The following ABCC4 variants were observed in gnomAD, a reference collection of about 807,000 sequenced individuals.
ABCC4 encodes the protein ATP-binding cassette sub-family C member 4.
Under a neutral mutation model 168.5 loss-of-function variants are expected in ABCC4, and 102 were observed. That is an observed-to-expected ratio of 0.61 (90% confidence interval 0.52 to 0.71). The LOEUF (loss-of-function observed/expected upper bound fraction) is 0.71, where lower values mean the gene tolerates loss of function less well. Ranked by LOEUF, ABCC4 falls within the 30% of genes least tolerant of loss-of-function variation. The pLI is 0.00. For synonymous variants in ABCC4, 617 were observed against 590.7 expected, an observed-to-expected ratio of 1.04 and a Z score of -0.65; for missense variants, 1,402 against 1,605.8, an observed-to-expected ratio of 0.87 and a Z score of 2.17.
At chr13:95,243,164 G>GTGGGTCCATCTTAACACTGTA (rs1280458630) in intron 3 of ABCC4, among the ~76,000 whole-genome samples, 1 of 152,184 alleles carries the variant, frequency 6.6e-6, no homozygotes, top group East Asian at 1.9e-4. Context: ...CCAGCACTGT[G>GTGGGTCCATCTTAACACTGTA]TGGGTCCATC....
In ABCC4 at chr13:95,159,134, A is replaced by ATATAG. The variant is rs2036998473; in HGVS notation, c.2455+2054_2455+2055insCTATA. Among the ~76,000 whole-genome samples the ATATAG allele has an allele frequency of 1.1e-4, 5 of 46,402 alleles. No homozygotes were observed. In the East Asian group the frequency reaches 2.3e-3, roughly 21 times the overall value. 30.4% of individuals were successfully genotyped at this position (46,402 alleles called of 152,430 possible). A position where few individuals can be genotyped will look rare whatever the true frequency, so the allele number is the denominator to read the frequency against. The stretch of plus-strand genomic sequence containing the variant: ...ATATATATATATATATATATATATA[A>ATATAG]CTATTGAAGTGCATACAATCAGTAA... On this transcript the variant is annotated intron_variant, in intron 19 of 30. Coordinates refer to ENST00000645237, the MANE Select transcript of ABCC4 (RefSeq NM_005845.5).
intron 20 of ABCC4, among the ~76,000 whole-genome samples, chr13:95,115,512 A>G (rs2139411167): frequency 6.6e-6 from 1 of 152,050 alleles, no homozygotes; most frequent in East Asian, 1.9e-4. Context: ...CAAAAAAAAA[A>G]AAAAAGTGCC....
At chr13:95,155,306 A>C (rs1051248149) in intron 19 of ABCC4, among the ~76,000 whole-genome samples, 2 of 151,908 alleles carry the variant, frequency 1.3e-5, no homozygotes, top group Non-Finnish European at 2.9e-5. Flanking sequence ...CTCCTGACTC[A>C]GCCTCCCGAG....
At chr13:95,211,483 G>A (rs764195747) in intron 4 of ABCC4, among the ~76,000 whole-genome samples, 4 of 152,124 alleles carry the variant, frequency 2.6e-5, no homozygotes. Flanking sequence ...GGCACTGCAG[G>A]GGAGGCCTAG....
chr13:95,129,846 G>A (rs532585707), intron 19 of ABCC4, among the ~76,000 whole-genome samples: 184 of 152,196 alleles, frequency 1.2e-3, no homozygotes, highest in Non-Finnish European at 1.9e-3. Context: ...AGGCCAAGGC[G>A]GGTGGATCAC....
rs529607759 is a variant in ABCC4, at chr13:95,035,886, A to C, written c.3736-1147T>G. ...AGCAGGACACAGGTTGTTTTTCTAC[A>C]TGTAGATATTGCAGTTAATTCCGTC... is the stretch of plus-strand genomic sequence containing the variant. On this transcript the variant is annotated intron_variant, in intron 29 of 30. Transcript: ENST00000645237. Among the ~76,000 whole-genome samples the C allele has an allele frequency of 1.4e-3, 211 of 152,302 alleles. 5 individuals carry two copies. The highest frequency in any genetic ancestry group is 7.0e-3 in the South Asian group (34 of 4,824).
intron 8 of ABCC4, among the ~76,000 whole-genome samples, chr13:95,205,297 A>G (rs1212717608): frequency 6.6e-6 from 1 of 152,158 alleles, no homozygotes; most frequent in Non-Finnish European, 1.5e-5. Context: ...TCATCATAAA[A>G]AAGAATCTTA....
At chr13:95,062,486 T>TCACACACACACACA (rs1490489305) in intron 26 of ABCC4, among the ~76,000 whole-genome samples, 19 of 144,994 alleles carry the variant, frequency 1.3e-4, no homozygotes, top group African/African-American at 3.3e-4. Context: ...TTATTAAATA[T>TCACACACACACACA]CACACACACA....
intron 4 of ABCC4, among the ~76,000 whole-genome samples, chr13:95,225,200 C>T (rs1189621746): frequency 6.1e-5 from 9 of 148,022 alleles, no homozygotes; most frequent in Non-Finnish European, 1.2e-4. Flanking sequence ...CACACACACA[C>T]ACAGAGTATA....
At chr13:95,173,721 G>A (rs537240814) in intron 13 of ABCC4, among the ~76,000 whole-genome samples, 1 of 152,316 alleles carries the variant, frequency 6.6e-6, no homozygotes, top group Admixed American at 6.5e-5. Context: ...GTGAACTAGT[G>A]CTGTGCCTGA....
intron 11 of ABCC4, among the ~76,000 whole-genome samples, chr13:95,178,514 T>C (rs905508917): frequency 3.3e-5 from 5 of 152,088 alleles, no homozygotes; most frequent in Non-Finnish European, 5.9e-5. Context: ...GTCCACTTTA[T>C]ATAGGGAGGT....
rs549032173 is a variant in ABCC4 at position 95,186,025 on chromosome 13, C to T, written c.1545+676G>A. 2.6e-4 allele frequency among the ~76,000 whole-genome samples: 39 copies of T among 151,944 alleles called. 1 individual carries two copies. In the South Asian group the frequency reaches 7.5e-3, roughly 29 times the overall value. On this transcript the variant is annotated intron_variant, in intron 11 of 30. Coordinates refer to ENST00000645237, the MANE Select transcript of ABCC4 (RefSeq NM_005845.5). ...GGAAACCTGTGGTTTGAGAGGGACC[C>T]AAGCAGGAAACATCAGCCAAGTGCA...
At chr13:95,029,167 CATATAT>C (rs67576340) in intron 30 of ABCC4, among the ~76,000 whole-genome samples, 2,352 of 82,720 alleles carry the variant, frequency 0.028, 143 homozygotes, top group East Asian at 0.031. Context: ...AAAAAAAATA[CATATAT>C]ATATATATAT....
chr13:95,218,980 AGAAAGAGT>A (rs1315747149), intron 4 of ABCC4, among the ~76,000 whole-genome samples: 1 of 43,264 alleles, frequency 2.3e-5, no homozygotes, highest in African/African-American at 8.5e-5. Flanking sequence ...AAAGAAAGAA[AGAAAGAGT>A]GAGAAAGAAA....
chr13:95,238,842 C>G (rs2039851051), intron 3 of ABCC4, among the ~76,000 whole-genome samples: 1 of 152,200 alleles, frequency 6.6e-6, no homozygotes, highest in African/African-American at 2.4e-5. Flanking sequence ...AGGCGTGAGC[C>G]ACTGTGCCTG....
At chr13:95,182,150 TAACAACAAC>T (rs965024375) in intron 11 of ABCC4, among the ~76,000 whole-genome samples, 2 of 152,110 alleles carry the variant, frequency 1.3e-5, no homozygotes, top group South Asian at 4.1e-4. Flanking sequence ...ACTGAGAGAT[TAACAACAAC>T]AACAAAAAGG....
At chr13:95,150,142 T>G (rs908790533) in intron 19 of ABCC4, among the ~76,000 whole-genome samples, 1 of 152,020 alleles carries the variant, frequency 6.6e-6, no homozygotes, top group Non-Finnish European at 1.5e-5. Context: ...CACAGCTAAT[T>G]TTTTTTAGAG....
At chr13:95,026,670 T>C (rs766262582) in intron 30 of ABCC4, among the ~76,000 whole-genome samples, 2 of 152,030 alleles carry the variant, frequency 1.3e-5, no homozygotes, top group African/African-American at 2.4e-5. Context: ...GGGATGATGG[T>C]TTAAGCCCAG....
At chr13:95,125,531 AAATG>A (rs3837534) in intron 19 of ABCC4, among the ~76,000 whole-genome samples, 73,468 of 151,310 alleles carry the variant, frequency 0.49, 18,511 homozygotes, top group South Asian at 0.69. Context: ...ACAAGTAAAT[AAATG>A]AATGAATGAA....
Sources: allele counts gnomAD v4.1 joint callset (sites outside exome capture counted in the v4.1 genomes callset), GRCh38; gene constraint gnomAD v4.1.1; transcripts MANE v1.5; gene names NCBI Gene and HGNC (gene_info 2026-07-23, HGNC 2026-07-21).